PCDHGA12: variants seen among roughly 807,000 people sequenced by gnomAD.
PCDHGA12 encodes the protein protocadherin gamma-A12.
In PCDHGA12, 43 loss-of-function variants were observed where a neutral mutation model predicts 61.1. The observed-to-expected ratio is 0.70, with a 90% CI of 0.55 to 0.91. PCDHGA12 has a LOEUF of 0.91. Among genes scored for constraint, PCDHGA12 ranks in the 40% least tolerant of loss-of-function variants. The probability of loss-of-function intolerance (pLI) is 0.00; values close to 1 mark genes in which losing one functional copy is unlikely to be tolerated. For synonymous variants in PCDHGA12, 520 were observed against 542.9 expected (o/e 0.96, Z 0.59); for missense variants, 1,236 against 1,227.7 (o/e 1.01, Z -0.10).
chr5:141,487,100 C>A lies in PCDHGA12; in HGVS notation c.2425-7707C>A. ...CCCAGCTGACCTCCCACCACAGAAGCTGGTCATTGTGGTAAAGGATAGTGG... is the reference window on the plus strand; with the variant it reads ...CCCAGCTGACCTCCCACCACAGAAGATGGTCATTGTGGTAAAGGATAGTGG... On this transcript the variant is annotated intron_variant, in intron 1 of 3. Coordinates refer to ENST00000252085, the MANE Select transcript of PCDHGA12 (RefSeq NM_003735.3). This position sits in a 1 kb window ranked among gnomAD's most constrained non-coding sequence, Gnocchi z 5.0. The A allele has an allele frequency of 1.2e-6, 2 of 1,614,076 alleles. No homozygotes were observed. The highest frequency in any genetic ancestry group is 1.7e-6 in the Non-Finnish European group (2 of 1,179,960).
rs1224625072 is a variant in PCDHGA12, at chr5:141,490,972, C to T, written c.2425-3835C>T. ...AGACTGGGAACACTCAGCCCCCCAG[C>T]GTCTCCCTCGCTCTGCTCCTCCTGG... On this transcript the variant is annotated intron_variant, in intron 1 of 3. Transcript: ENST00000252085. This position sits in a 1 kb window ranked among gnomAD's most constrained non-coding sequence, Gnocchi z 5.4. The T allele has an allele frequency of 1.2e-5, 20 of 1,613,912 alleles. No individual in the cohort carries two copies. Among genetic ancestry groups the T allele is most frequent in the East Asian group, 4.5e-5 (2 of 44,882 alleles).
At chr5:141,469,671 A>T (rs1285283342) in intron 1 of PCDHGA12, among the ~76,000 whole-genome samples, 3 of 152,236 alleles carry the variant, frequency 2.0e-5, no homozygotes, top group Admixed American at 1.3e-4. Flanking sequence ...TTCTAATAAA[A>T]CTACATATGC....
In PCDHGA12 at chr5:141,477,850, G is replaced by C. The variant is rs2099420608; in HGVS notation, c.2425-16957G>C. On this transcript the variant is annotated intron_variant, in intron 1 of 3. Coordinates refer to ENST00000252085, the MANE Select transcript of PCDHGA12 (RefSeq NM_003735.3). The surrounding 1 kb of genome is among the most constrained non-coding windows in gnomAD (Gnocchi z 4.9). Reference sequence around the variant, plus strand: ...CTCGGCCAGGTGGGAGCTCGGTGGAGATGCTGCCTCGAGGTACCTCAGCTG... The same window carrying C: ...CTCGGCCAGGTGGGAGCTCGGTGGACATGCTGCCTCGAGGTACCTCAGCTG... 6.2e-6 allele frequency: 10 copies of C among 1,613,328 alleles called. No individual in the cohort carries two copies. Among genetic ancestry groups the C allele is most frequent in the Non-Finnish European group, 7.6e-6 (9 of 1,179,812 alleles).
chr5:141,472,254 T>C (rs1031738513), intron 1 of PCDHGA12, among the ~76,000 whole-genome samples: 1 of 152,074 alleles, frequency 6.6e-6, no homozygotes, highest in Admixed American at 6.6e-5. Context: ...TTTAAAGTTA[T>C]ATTATAGCCG....
chr5:141,432,859 C>A lies in PCDHGA12; in HGVS notation c.2100C>A (p.Val700=). The A allele has an allele frequency of 1.2e-6, 2 of 1,614,190 alleles. No homozygotes were observed. Among genetic ancestry groups the A allele is most frequent in the Non-Finnish European group, 1.7e-6 (2 of 1,180,020 alleles). The stretch of plus-strand genomic sequence containing the variant: ...ACCTGGTGGTAGCGGTGGCCGCGGT[C>A]TCCTGCGTCTTCCTGGCCTTCGTCA... The part of the protein sequence containing the change: ...TLYLVVAVAA[V]SCVFLAFVIL... Residue 700 remains valine (V), a synonymous_variant, in exon 1 of 4, where the codon GTC becomes GTA. Transcript: ENST00000252085. This position sits in a 1 kb window ranked among gnomAD's most constrained non-coding sequence, Gnocchi z 6.0.
Position 141,431,054 on chromosome 5 carries a change from G to A in PCDHGA12, c.295G>A (p.Ala99Thr), listed in dbSNP as rs532584174. 1 of 1,614,198 alleles carries A rather than the reference G, an allele frequency of 6.2e-7. No individual in the cohort carries two copies. Among genetic ancestry groups the A allele is most frequent in the African/African-American group, 1.3e-5 (1 of 75,076 alleles). ...AGACCGGGAGGAGCTCTGTATGGGG[G>A]CCATCAAGTGTCAATTAAATCTAGA... ...RIDREELCMG[A>T]IKCQLNLDIL... Residue 99 changes from alanine (A) to threonine (T), a missense_variant, in exon 1 of 4, where the codon GCC becomes ACC. Transcript: ENST00000252085. This position sits in a 1 kb window ranked among gnomAD's most constrained non-coding sequence, Gnocchi z 4.8.
chr5:141,432,934 G>A lies in PCDHGA12; in HGVS notation c.2175G>A (p.Leu725=). The stretch of plus-strand genomic sequence containing the variant: ...GGCGCTGGCACAAGTCACGCCTGCT[G>A]CAGGCTTCAGGAGGCGGCTTGACAG... ...RLRRWHKSRL[L]QASGGGLTGA... is the part of the protein sequence containing the mutation. Residue 725 remains leucine, a synonymous_variant, in exon 1 of 4, where the codon CTG becomes CTA. Transcript: ENST00000252085. This position sits in a 1 kb window ranked among gnomAD's most constrained non-coding sequence, Gnocchi z 6.0. 1.9e-6 allele frequency: 3 copies of A among 1,614,196 alleles called. No individual in the cohort carries two copies. Among genetic ancestry groups the A allele is most frequent in the Non-Finnish European group, 2.5e-6 (3 of 1,180,040 alleles).
At position 141,512,765 on chromosome 5, in the gene PCDHGA12, G is replaced by C. The variant is rs988707269; in HGVS notation, c.*1592G>C. 1 of 152,668 alleles carries C rather than the reference G, an allele frequency of 6.6e-6. No individual in the cohort carries two copies. The highest frequency in any genetic ancestry group is 1.5e-5 in the Non-Finnish European group (1 of 68,460). The allele number at this position is 152,668 out of a possible 1,614,324, so 9.5% of individuals were successfully genotyped here. On this transcript the variant is annotated 3_prime_UTR_variant, in exon 4 of 4. Transcript: ENST00000252085. ...CCGCGCAGCCGTCTGTCCTTGATCT[G>C]CCCGCGGCGGCCCGTGTTGTGTTTT...
At chr5:141,478,423 C>A (rs1355847104) in intron 1 of PCDHGA12, 1 of 1,613,672 alleles carries the variant, frequency 6.2e-7, no homozygotes, top group Admixed American at 1.7e-5. Context: ...CCCGCCGCAG[C>A]GACCCGCTGC....
At chr5:141,444,115 AG>A (rs1206374963) in intron 1 of PCDHGA12, among the ~76,000 whole-genome samples, 3 of 147,326 alleles carry the variant, frequency 2.0e-5, no homozygotes, top group Admixed American at 2.0e-4. Context: ...AGAAAAGTGA[AG>A]TATCTCAACA....
At chr5:141,494,780 G>A (rs1314622459) in intron 1 of PCDHGA12, 27 bp from the exon 2 acceptor site, 13 of 1,613,898 alleles carry the variant, frequency 8.1e-6, no homozygotes, top group African/African-American at 1.3e-5. Context: ...CGGGTACTCA[G>A]CCCCTTTCCC....
At chr5:141,436,104 G>A (rs368559994) in intron 1 of PCDHGA12, among the ~76,000 whole-genome samples, 10 of 152,086 alleles carry the variant, frequency 6.6e-5, no homozygotes, top group East Asian at 3.9e-4. Flanking sequence ...AGAAATAGAG[G>A]ACAATGAAAC....
In PCDHGA12 at chr5:141,477,070, T is replaced by A; in HGVS notation, c.2425-17737T>A. 6.2e-7 allele frequency: 1 copy of A among 1,613,342 alleles called. No individual in the cohort carries two copies. The highest frequency in any genetic ancestry group is 8.5e-7 in the Non-Finnish European group (1 of 1,179,244). ...TGGACTTCGAGGACACCAAACTCCATGAGATTTACATCCAGGCCAAAGACA... is the reference window on the plus strand; with the variant it reads ...TGGACTTCGAGGACACCAAACTCCAAGAGATTTACATCCAGGCCAAAGACA... On this transcript the variant is annotated intron_variant, in intron 1 of 3. Coordinates refer to ENST00000252085, the MANE Select transcript of PCDHGA12 (RefSeq NM_003735.3). The surrounding 1 kb of genome is among the most constrained non-coding windows in gnomAD (Gnocchi z 4.9).
chr5:141,460,983 G>GTGTATA (rs1554142949), intron 1 of PCDHGA12, among the ~76,000 whole-genome samples: 24 of 137,844 alleles, frequency 1.7e-4, no homozygotes, highest in African/African-American at 5.4e-4. Context: ...GTGTGTGTGT[G>GTGTATA]TATATATATA....
rs1433790348 is a variant in PCDHGA12, at chr5:141,431,831, G to A, written c.1072G>A (p.Glu358Lys). The A allele has an allele frequency of 1.2e-6, 2 of 1,614,110 alleles. No homozygotes were observed. The highest frequency in any genetic ancestry group is 1.7e-6 in the Non-Finnish European group (2 of 1,180,040). The change falls in exon 1 of 4, where the codon GAA becomes AAA. Residue 358 changes from glutamate (E) to lysine (K), a missense_variant. Transcript: ENST00000252085. The surrounding 1 kb of genome is among the most constrained non-coding windows in gnomAD (Gnocchi z 4.8). ...VLTSLASSVP[E>K]NSPRGTLIAL... is the part of the protein sequence containing the mutation. Reference sequence around the variant, plus strand: ...CACCTCTCTCGCCAGCTCGGTTCCCGAAAACTCTCCCAGAGGGACATTAAT... The same window carrying A: ...CACCTCTCTCGCCAGCTCGGTTCCCAAAAACTCTCCCAGAGGGACATTAAT...
chr5:141,436,735 T>G (rs2097843412), intron 1 of PCDHGA12, among the ~76,000 whole-genome samples: 1 of 152,220 alleles, frequency 6.6e-6, no homozygotes, highest in Non-Finnish European at 1.5e-5. Context: ...AATAATGATT[T>G]TTGTGTGCTT....
Position 141,476,512 on chromosome 5 carries a change from T to C in PCDHGA12, c.2425-18295T>C, listed in dbSNP as rs1171240377. ...TGATCCAGGACATCAACGACAACAA[T>C]CCTGCTTTCCCTACCCAGGAAATGA... On this transcript the variant is annotated intron_variant, in intron 1 of 3. Transcript: ENST00000252085. This position sits in a 1 kb window ranked among gnomAD's most constrained non-coding sequence, Gnocchi z 7.6. The C allele has an allele frequency of 6.2e-7, 1 of 1,613,642 alleles. No homozygotes were observed. Among genetic ancestry groups the C allele is most frequent in the Non-Finnish European group, 8.5e-7 (1 of 1,179,940 alleles).
chr5:141,435,979 C>T (rs1036607924), intron 1 of PCDHGA12, among the ~76,000 whole-genome samples: 4 of 152,008 alleles, frequency 2.6e-5, no homozygotes, highest in Non-Finnish European at 5.9e-5. Flanking sequence ...TGTGGTTCTA[C>T]TTGTGTGATT....
Position 141,503,010 on chromosome 5 carries a change from AT to A in PCDHGA12, c.2484-2371del, listed in dbSNP as rs199924715. ...AGGCGTGTGCCACCATGCCCGGTTA[AT>A]TTTTTTTTTTTAATATCTATTTTAG... On this transcript the variant is annotated intron_variant, in intron 2 of 3. Coordinates refer to ENST00000252085, the MANE Select transcript of PCDHGA12 (RefSeq NM_003735.3). Among the ~76,000 whole-genome samples the A allele has an allele frequency of 6.8e-3, 997 of 146,562 alleles. 9 individuals are homozygous for A. The highest frequency in any genetic ancestry group is 0.023 in the African/African-American group (916 of 39,838).
Sources: gnomAD v4.1 joint callset for allele counts (sites outside exome capture counted in the v4.1 genomes callset) on GRCh38, gnomAD v4.1.1 for gene constraint, Gnocchi (gnomAD v3.1) non-coding constraint, MANE v1.5 for transcripts, NCBI Gene and HGNC (gene_info 2026-07-23, HGNC 2026-07-21) for gene names.